PTPN3: variants seen among roughly 807,000 people sequenced by gnomAD.
The protein encoded by PTPN3 is tyrosine-protein phosphatase non-receptor type 3.
Under a neutral mutation model 132.7 loss-of-function variants are expected in PTPN3, and 96 were observed. That is an observed-to-expected ratio of 0.72 (90% confidence interval 0.61 to 0.86). The LOEUF is 0.86. PTPN3 is among the 40% of genes least tolerant of loss of function. The pLI is 0.00. For missense variants in PTPN3, 1,125 were observed against 1,159.6 expected (o/e 0.97, Z 0.43); for synonymous variants, 398 against 429.0 (o/e 0.93, Z 0.89).
chr9:109,496,038 C>T (rs1847653946), intron 1 of PTPN3, among the ~76,000 whole-genome samples: 1 of 152,266 alleles, frequency 6.6e-6, no homozygotes, highest in Admixed American at 6.5e-5. Flanking sequence ...GCCTCAGCTA[C>T]TCTGAAATGC....
chr9:109,529,168 G>A, the PTPN3 span, among the ~76,000 whole-genome samples: 1 of 152,232 alleles, frequency 6.6e-6, no homozygotes, highest in Non-Finnish European at 1.5e-5. Flanking sequence ...TGGGAGAGAT[G>A]CTGCTCTCTG....
At chr9:109,445,718 C>G (rs1046290808) in intron 6 of PTPN3, among the ~76,000 whole-genome samples, 1 of 152,134 alleles carries the variant, frequency 6.6e-6, no homozygotes, top group Non-Finnish European at 1.5e-5. Flanking sequence ...TTCTAATGAC[C>G]CTTTGGTTCT....
At chr9:109,391,627 C>T (rs1455366501) in intron 19 of PTPN3, 66 bp from the exon 20 acceptor site, 22 of 1,329,608 alleles carry the variant, frequency 1.7e-5, no homozygotes, top group South Asian at 1.3e-5. Flanking sequence ...TGAAAACATA[C>T]TTTATCATTC....
chr9:109,468,601 C>T (rs1394821805), intron 1 of PTPN3, among the ~76,000 whole-genome samples: 2 of 152,174 alleles, frequency 1.3e-5, no homozygotes, highest in East Asian at 1.9e-4. Context: ...CTCCTGACCT[C>T]GTGATCCGCC....
chr9:109,527,855 T>C, the PTPN3 span, among the ~76,000 whole-genome samples: 1 of 152,148 alleles, frequency 6.6e-6, no homozygotes, highest in Admixed American at 6.5e-5. Flanking sequence ...ATATTAGCAA[T>C]ACACATATAT....
At chr9:109,418,229 G>C (rs1252638123) in intron 14 of PTPN3, among the ~76,000 whole-genome samples, 3 of 152,234 alleles carry the variant, frequency 2.0e-5, no homozygotes, top group African/African-American at 7.2e-5. Flanking sequence ...GGAGGCTCCT[G>C]AAACAACTTC....
the PTPN3 span, among the ~76,000 whole-genome samples, chr9:109,521,051 C>T: frequency 1.3e-5 from 2 of 152,204 alleles, no homozygotes; most frequent in South Asian, 2.1e-4. Flanking sequence ...GACATGTATA[C>T]CCTCCACTCA....
intron 2 of PTPN3, 46 bp downstream of exon 2, chr9:109,463,251 G>A (rs62576448): frequency 0.31 from 457,955 of 1,475,054 alleles, 74,897 homozygotes; most frequent in African/African-American, 0.42. Context: ...CTATTTGTTA[G>A]GAGCATTAAT....
the PTPN3 span, among the ~76,000 whole-genome samples, chr9:109,506,496 C>T: frequency 6.8e-6 from 1 of 147,114 alleles, no homozygotes; most frequent in South Asian, 2.1e-4. Flanking sequence ...TCCTACCTAC[C>T]TTCTTTCCTT....
Position 109,467,290 on chromosome 9 carries a change from A to G in PTPN3, c.-17-3839T>C, listed in dbSNP as rs564303090. On this transcript the variant is annotated intron_variant, in intron 1 of 25. Transcript: ENST00000374541. ...ACATTTTTTTTTTTCAAAAGACACA[A>G]TAGAACCATTTCAAGTTGGTTTTAG... Among the ~76,000 whole-genome samples the G allele has an allele frequency of 1.2e-3, 180 of 152,102 alleles. 1 individual carries two copies. The highest frequency in any genetic ancestry group is 1.9e-4 in the Non-Finnish European group (13 of 67,996).
chr9:109,448,635 T>C (rs1251519146), intron 6 of PTPN3, among the ~76,000 whole-genome samples, 176 bp downstream of exon 6: 2 of 152,164 alleles, frequency 1.3e-5, no homozygotes, highest in Non-Finnish European at 2.9e-5. Context: ...TTAGCCTCTC[T>C]CAGCCAAGAC....
intron 2 of PTPN3, among the ~76,000 whole-genome samples, chr9:109,460,643 C>T (rs1384004592): frequency 6.6e-6 from 1 of 152,220 alleles, no homozygotes; most frequent in Non-Finnish European, 1.5e-5. Flanking sequence ...TGTGCTCCCT[C>T]CAGATGAACG....
intron 10 of PTPN3, among the ~76,000 whole-genome samples, chr9:109,429,196 A>G (rs1159152166): frequency 1.3e-5 from 2 of 152,182 alleles, no homozygotes; most frequent in African/African-American, 2.4e-5. Flanking sequence ...CATCCCCTCA[A>G]CGAAGCCCTG....
chr9:109,455,433 T>G (rs1036121353), intron 4 of PTPN3, among the ~76,000 whole-genome samples: 1 of 152,186 alleles, frequency 6.6e-6, no homozygotes, highest in South Asian at 2.1e-4. Context: ...ACTCAAGTCC[T>G]TCTCACTAGC....
chr9:109,485,405 G>A (rs1847161751), intron 1 of PTPN3, among the ~76,000 whole-genome samples: 1 of 152,200 alleles, frequency 6.6e-6, no homozygotes, highest in South Asian at 2.1e-4. Context: ...CTACGCGGGA[G>A]GCTGAGGCAG....
At chr9:109,531,040 G>C in the PTPN3 span, among the ~76,000 whole-genome samples, 1 of 152,256 alleles carries the variant, frequency 6.6e-6, no homozygotes, top group East Asian at 1.9e-4. Flanking sequence ...TGTTGAAAGT[G>C]TCTTTTAATG....
At chr9:109,436,057 C>T (rs531886782) in intron 9 of PTPN3, among the ~76,000 whole-genome samples, 4 of 152,344 alleles carry the variant, frequency 2.6e-5, no homozygotes, top group African/African-American at 9.6e-5. Flanking sequence ...GTCGATTTCA[C>T]AAGGTTTCTA....
chr9:109,438,054 T>C, intron 8 of PTPN3, 60 bp downstream of exon 8: 3 of 1,539,418 alleles, frequency 1.9e-6, no homozygotes, highest in African/African-American at 1.4e-5. Context: ...CACAAAGGGA[T>C]ATGATGTCTG....
Position 109,379,608 on chromosome 9 carries a change from G to A in PTPN3, c.2690C>T (p.Ala897Val), listed in dbSNP as rs531502072. ...ACCTTCTTCATACACACGAAGAATC[G>A]CTTCACACACAAACTTGTACTGGCT... Reference protein sequence around the residue: ...TSSQYKFVCEAILRVYEEGLV... With the variant: ...TSSQYKFVCEVILRVYEEGLV... The change falls in exon 26 of 26, where the codon GCG (alanine) becomes GTG (valine). Residue 897 changes from alanine to valine, a missense_variant. Ala to Val is a moderately conservative substitution (Grantham distance 64). Transcript: ENST00000374541. 1.5e-5 allele frequency: 24 copies of A among 1,614,070 alleles called. No individual in the cohort carries two copies. The highest frequency in any genetic ancestry group is 1.7e-4 in the Middle Eastern group (1 of 6,060).
Sources: gnomAD v4.1 joint callset for allele counts (sites outside exome capture counted in the v4.1 genomes callset) on GRCh38, gnomAD v4.1.1 for gene constraint, MANE v1.5 for transcripts, NCBI Gene and HGNC (gene_info 2026-07-23, HGNC 2026-07-21) for gene names.